SLC43A1: variants seen among roughly 807,000 people sequenced by gnomAD.
The protein encoded by SLC43A1 is solute carrier family 43 member 1, also known as large neutral amino acids transporter small subunit 3.
SLC43A1 carries 31 observed loss-of-function variants against 59.5 expected under a neutral mutation model. The observed-to-expected ratio is 0.52, with a 90% confidence interval of 0.39 to 0.70. The LOEUF (loss-of-function observed/expected upper bound fraction) is 0.70, where lower values mean the gene tolerates loss of function less well. Among genes scored for constraint, SLC43A1 ranks in the 30% least tolerant of loss-of-function variants. SLC43A1 has a pLI of 0.00. For synonymous variants in SLC43A1, 259 were observed against 290.9 expected, an observed-to-expected ratio of 0.89 and a Z score of 1.12; for missense variants, 598 against 717.8, an observed-to-expected ratio of 0.83 and a Z score of 1.91.
In SLC43A1 at chr11:57,489,341, C is replaced by G. The variant is rs1943834711; in HGVS notation, c.1245G>C (p.Lys415Asn). 3 of 1,614,172 alleles carry G rather than the reference C, an allele frequency of 1.9e-6. No homozygotes were observed. The change falls in exon 12 of 15, where the codon AAG becomes AAC. Residue 415 changes from lysine (K) to asparagine (N), a missense_variant. Lys to Asn is a moderately conservative substitution (Grantham distance 94, BLOSUM62 0). Transcript: ENST00000278426. Reference sequence around the variant, plus strand: ...TGAAGGCACTGATGGCATTGGTGAGCTTTTGGATCTTGCAGTAGCGTGGTC... The same window carrying G: ...TGAAGGCACTGATGGCATTGGTGAGGTTTTGGATCTTGCAGTAGCGTGGTC... ...SIRPRYCKIQ[K>N]LTNAISAFTL...
At chr11:57,501,451 T>G in intron 2 of SLC43A1, 122 bp from the exon 3 acceptor site, 2 of 922,020 alleles carry the variant, frequency 2.2e-6, no homozygotes, top group Non-Finnish European at 3.4e-6. Context: ...GGGGGTACCC[T>G]AGAGTCACAT....
intron 2 of SLC43A1, among the ~76,000 whole-genome samples, chr11:57,501,728 G>A (rs1262518504): frequency 6.6e-6 from 1 of 152,182 alleles, no homozygotes; most frequent in African/African-American, 2.4e-5. Context: ...GGCCCGGCGT[G>A]GTAGTTCATG....
At chr11:57,512,378 G>A (rs894732302) in intron 2 of SLC43A1, among the ~76,000 whole-genome samples, 7 of 152,062 alleles carry the variant, frequency 4.6e-5, no homozygotes, top group Admixed American at 6.6e-5. Flanking sequence ...GGTGACTTGA[G>A]GTCAGGTGTT....
chr11:57,486,196 C>A (rs965831215), intron 14 of SLC43A1, among the ~76,000 whole-genome samples: 2 of 152,186 alleles, frequency 1.3e-5, no homozygotes, highest in Non-Finnish European at 2.9e-5. Flanking sequence ...TAAAAACAGA[C>A]TCCTAGGAGG....
rs1377192482 is a variant in SLC43A1, at chr11:57,491,267, A to T, written c.1150T>A (p.Cys384Ser). 1.2e-6 allele frequency: 2 copies of T among 1,609,370 alleles called. No homozygotes were observed. Among genetic ancestry groups the T allele is most frequent in the South Asian group, 1.1e-5 (1 of 90,480 alleles). The change falls in exon 11 of 15, where the codon TGC becomes AGC. Residue 384 changes from cysteine to serine, a missense_variant. Physicochemically the swap from Cys to Ser is moderately radical, Grantham distance 112. Coordinates refer to ENST00000278426, the MANE Select transcript of SLC43A1 (RefSeq NM_003627.6). ...GTGCCCTGAGTTGGGGCGTCCACGC[A>T]GTCCTTGATCCGCCAGTCCATGATG... The part of the protein sequence containing the change: ...GYIMDWRIKD[C>S]VDAPTQGTVL...
intron 10 of SLC43A1, 72 bp from the exon 11 acceptor site, chr11:57,491,434 G>A (rs1943898714): frequency 1.3e-6 from 2 of 1,557,896 alleles, no homozygotes; most frequent in African/African-American, 2.7e-5. Context: ...TTCCAGCGGA[G>A]GCCAGAGAGC....
At chr11:57,513,886 A>G (rs1329474926) in intron 2 of SLC43A1, 72 bp downstream of exon 2, 9 of 1,264,838 alleles carry the variant, frequency 7.1e-6, no homozygotes, top group Non-Finnish European at 1.0e-5. Context: ...CTGGCCACCT[A>G]ACCTTTTCTG....
rs566028521 is a variant in SLC43A1, at chr11:57,510,082, G to T, written c.154+3876C>A. Among the ~76,000 whole-genome samples the T allele has an allele frequency of 8.6e-5, 13 of 151,414 alleles. No homozygotes were observed. In the South Asian group the frequency reaches 2.5e-3, roughly 29 times the overall value. ...AAAGCCAATAAGCACAGGAAAAGATGCTCAACATCATTGATCAGTAGGGAA... is the reference window on the plus strand; with the variant it reads ...AAAGCCAATAAGCACAGGAAAAGATTCTCAACATCATTGATCAGTAGGGAA... On this transcript the variant is annotated intron_variant, in intron 2 of 14. Coordinates refer to ENST00000278426, the MANE Select transcript of SLC43A1 (RefSeq NM_003627.6).
At position 57,514,177 on chromosome 11, in the gene SLC43A1, G is replaced by T; in HGVS notation, c.-13-53C>A. The stretch of plus-strand genomic sequence containing the variant: ...GGGCCCCCCAGTGGCCCCAGGGAAG[G>T]GTCCTGCATCATGGTGGCACCCGAG... On this transcript the variant is annotated intron_variant, in intron 1 of 14. Coordinates refer to ENST00000278426, the MANE Select transcript of SLC43A1 (RefSeq NM_003627.6). This position sits in a 1 kb window ranked among gnomAD's most constrained non-coding sequence, Gnocchi z 5.5. The T allele has an allele frequency of 1.3e-6, 2 of 1,494,028 alleles. No individual in the cohort carries two copies. The highest frequency in any genetic ancestry group is 1.8e-6 in the Non-Finnish European group (2 of 1,130,070). 92.5% of individuals were successfully genotyped at this position (1,494,028 alleles called of 1,614,324 possible). A position where few individuals can be genotyped will look rare whatever the true frequency, so the allele number is the denominator to read the frequency against.
intron 5 of SLC43A1, among the ~76,000 whole-genome samples, chr11:57,499,354 C>T (rs940049510): frequency 2.0e-5 from 3 of 151,874 alleles, no homozygotes; most frequent in African/African-American, 7.2e-5. Flanking sequence ...TGTTTAAACA[C>T]ATATAACTAA....
chr11:57,502,735 A>G (rs373076807), intron 2 of SLC43A1, among the ~76,000 whole-genome samples: 34 of 152,004 alleles, frequency 2.2e-4, no homozygotes, highest in East Asian at 1.5e-3. Flanking sequence ...TCAGCCGAGC[A>G]TGGCGATGCA....
Position 57,491,868 on chromosome 11 carries a change from G to GA in SLC43A1, c.872-7dup, listed in dbSNP as rs1565126825. 1 of 1,613,664 alleles carries GA rather than the reference G, an allele frequency of 6.2e-7. No homozygotes were observed. Among genetic ancestry groups the GA allele is most frequent in the Non-Finnish European group, 8.5e-7 (1 of 1,179,898 alleles). ...CTTGCGTAAGGGGACAGACCCTGGG[G>GA]AGACAGCAGGGGGCGCCCCTGAGCC... On this transcript the variant is annotated splice_polypyrimidine_tract_variant and splice_region_variant and intron_variant, in intron 8 of 14. Coordinates refer to ENST00000278426, the MANE Select transcript of SLC43A1 (RefSeq NM_003627.6).
At chr11:57,501,100 C>T in intron 3 of SLC43A1, 52 bp downstream of exon 3, 2 of 1,611,050 alleles carry the variant, frequency 1.2e-6, no homozygotes, top group Non-Finnish European at 1.7e-6. Context: ...CCCTCCCCTC[C>T]CCCTGCAGCA....
intron 5 of SLC43A1, among the ~76,000 whole-genome samples, chr11:57,498,431 A>G (rs1944150377): frequency 6.6e-6 from 1 of 152,078 alleles, no homozygotes; most frequent in Non-Finnish European, 1.5e-5. Flanking sequence ...ACAGAGCGAG[A>G]CTATGTCCCC....
Position 57,487,119 on chromosome 11 carries a change from T to C in SLC43A1, c.1509A>G (p.Gly503=). The change falls in exon 14 of 15, where the codon GGA becomes GGG. Residue 503 remains glycine, a synonymous_variant. Transcript: ENST00000278426. ...CCCAGAAGGGCTCTCCTTTCAGGGG[T>C]CCCACCATCGCCATGAAAAGTGGCT... ...LQQPLFMAMV[G]PLKGEPFWVN... 6.2e-7 allele frequency: 1 copy of C among 1,613,502 alleles called. No homozygotes were observed. The highest frequency in any genetic ancestry group is 8.5e-7 in the Non-Finnish European group (1 of 1,179,830).
In SLC43A1 at chr11:57,495,718, G is replaced by A. The variant is rs140830603; in HGVS notation, c.692+313C>T. 2.8e-3 allele frequency among the ~76,000 whole-genome samples: 424 copies of A among 152,088 alleles called. 4 individuals carry two copies. The highest frequency in any genetic ancestry group is 9.4e-3 in the African/African-American group (388 of 41,470). ...TGTGTGCCTGTAACCCCAGCTCCTC[G>A]GGAGGCAGAGGGAGAGGTTCGCTTG... On this transcript the variant is annotated intron_variant, in intron 7 of 14. Transcript: ENST00000278426.
chr11:57,502,577 A>G (rs1944293289), intron 2 of SLC43A1, among the ~76,000 whole-genome samples: 1 of 152,146 alleles, frequency 6.6e-6, no homozygotes. Flanking sequence ...GTGCTGCTAA[A>G]AGAACAAACC....
At chr11:57,501,068 G>A (rs759978882) in intron 3 of SLC43A1, 25 bp from the exon 4 acceptor site, 4 of 1,607,176 alleles carry the variant, frequency 2.5e-6, no homozygotes, top group Non-Finnish European at 3.4e-6. Flanking sequence ...GGAAGGGCGA[G>A]GGGTTGGCCT....
chr11:57,511,603 C>G (rs928702260), intron 2 of SLC43A1, among the ~76,000 whole-genome samples: 6 of 152,076 alleles, frequency 3.9e-5, no homozygotes, highest in African/African-American at 1.4e-4. Flanking sequence ...CCACACCCAG[C>G]CAGACCATTA....
Sources: gnomAD v4.1 joint callset for allele counts (sites outside exome capture counted in the v4.1 genomes callset) on GRCh38, gnomAD v4.1.1 for gene constraint, Gnocchi (gnomAD v3.1) non-coding constraint, MANE v1.5 for transcripts, NCBI Gene and HGNC (gene_info 2026-07-23, HGNC 2026-07-21) for gene names.